Variants in AFAP1 observed in about 807,000 individuals in gnomAD.
AFAP1 encodes actin filament associated protein 1.
A neutral mutation model predicts 93.9 loss-of-function variants in AFAP1; 75 were observed. That is an observed-to-expected ratio of 0.80 (90% CI 0.66 to 0.97). AFAP1 has a LOEUF of 0.97. AFAP1 is among the 50% of genes least tolerant of loss of function. AFAP1 has a pLI of 0.00. For missense variants in AFAP1, 1,201 were observed against 1,050.8 expected (o/e 1.14, Z -1.98); for synonymous variants, 517 against 430.7 (o/e 1.20, Z -2.48).
Position 7,841,300 on chromosome 4 carries a change from C to CACA in AFAP1, c.546+1836_546+1838dup, listed in dbSNP as rs1553844627. ...CCAGTGAGTCTGGGTCTATACCTCC[C>CACA]ACACACACACACTGAATGCAGACCC... is the stretch of plus-strand genomic sequence containing the variant. On this transcript the variant is annotated intron_variant, in intron 5 of 17. Coordinates refer to ENST00000420658, the MANE Select transcript of AFAP1 (RefSeq NM_001134647.2). 2.3e-4 allele frequency among the ~76,000 whole-genome samples: 6 copies of CACA among 26,068 alleles called. No individual in the cohort carries two copies. In the Admixed American group the frequency reaches 3.8e-3, roughly 16 times the overall value. 17.1% of individuals were successfully genotyped at this position (26,068 alleles called of 152,430 possible).
intron 6 of AFAP1, among the ~76,000 whole-genome samples, chr4:7,820,947 C>A (rs897512791): frequency 2.6e-5 from 4 of 152,034 alleles, no homozygotes; most frequent in Non-Finnish European, 4.4e-5. Context: ...GGAGAAGCCC[C>A]ATCTCTACTA....
chr4:7,821,481 C>A (rs1164865930), intron 6 of AFAP1, among the ~76,000 whole-genome samples: 3 of 152,184 alleles, frequency 2.0e-5, no homozygotes, highest in Admixed American at 2.0e-4. Flanking sequence ...GCAGTCACCA[C>A]ATGTTTCTCC....
intron 17 of AFAP1, among the ~76,000 whole-genome samples, chr4:7,768,161 GC>G (rs1429864392): frequency 3.9e-5 from 6 of 152,250 alleles, no homozygotes; most frequent in Non-Finnish European, 8.8e-5. Flanking sequence ...TCGGGGCGGG[GC>G]CGGCCACACT....
In AFAP1 at chr4:7,760,565, A is replaced by G. The variant is rs554462686; in HGVS notation, c.*3200T>C. ...TGGGCCTTGCCCCAGTTCCCCGCAG[A>G]TTCTGGGAAGAGGGAGCCATCGCCC... On this transcript the variant is annotated 3_prime_UTR_variant, in exon 18 of 18. Transcript: ENST00000420658. The G allele has an allele frequency of 6.6e-6, 1 of 152,412 alleles. No homozygotes were observed. The highest frequency in any genetic ancestry group is 6.5e-5 in the Admixed American group (1 of 15,312). The allele number at this position is 152,412 out of a possible 1,614,324, so 9.4% of individuals were successfully genotyped here.
chr4:7,855,782 C>T (rs1464314553), intron 3 of AFAP1, among the ~76,000 whole-genome samples: 1 of 152,222 alleles, frequency 6.6e-6, no homozygotes, highest in Non-Finnish European at 1.5e-5. Flanking sequence ...CCAGCCCTGG[C>T]CACATGCCGT....
chr4:7,924,427 C>G (rs988352335), intron 1 of AFAP1, among the ~76,000 whole-genome samples: 1 of 152,134 alleles, frequency 6.6e-6, no homozygotes, highest in Non-Finnish European at 1.5e-5. Flanking sequence ...AGCGGTGGAT[C>G]AAAACAGATT....
intron 1 of AFAP1, among the ~76,000 whole-genome samples, chr4:7,915,903 T>C (rs755613093): frequency 1.3e-5 from 2 of 152,242 alleles, no homozygotes; most frequent in Non-Finnish European, 2.9e-5. Flanking sequence ...AATTACTTAA[T>C]TTTTAATAAG....
chr4:7,850,785 G>T (rs1714344329), intron 4 of AFAP1, among the ~76,000 whole-genome samples: 1 of 152,238 alleles, frequency 6.6e-6, no homozygotes, highest in Non-Finnish European at 1.5e-5. Context: ...CAGAGCCAAG[G>T]GCATCCGCAT....
At chr4:7,860,089 G>A (rs534717820) in intron 3 of AFAP1, among the ~76,000 whole-genome samples, 45 of 152,268 alleles carry the variant, frequency 3.0e-4, no homozygotes, top group African/African-American at 9.6e-4. Context: ...GCTGCAGTGA[G>A]CCATGATCAT....
At chr4:7,855,759 G>A (rs918594546) in intron 3 of AFAP1, among the ~76,000 whole-genome samples, 185 bp from the exon 4 acceptor site, 3 of 152,126 alleles carry the variant, frequency 2.0e-5, no homozygotes, top group Non-Finnish European at 2.9e-5. Context: ...ACTTTCCTGC[G>A]CACATTCTTG....
intron 5 of AFAP1, among the ~76,000 whole-genome samples, chr4:7,842,354 T>C (rs28689523): frequency 0.43 from 62,839 of 145,924 alleles, 14,178 homozygotes; most frequent in Non-Finnish European, 0.49. Context: ...TCCACTAGAG[T>C]GCTCTACAGA....
intron 1 of AFAP1, among the ~76,000 whole-genome samples, chr4:7,890,309 G>C (rs1016489399): frequency 6.6e-6 from 1 of 152,188 alleles, no homozygotes; most frequent in Non-Finnish European, 1.5e-5. Flanking sequence ...AAATGCTGCT[G>C]AACAACTGGA....
intron 1 of AFAP1, among the ~76,000 whole-genome samples, chr4:7,902,740 C>T (rs962121134): frequency 1.3e-5 from 2 of 152,180 alleles, no homozygotes; most frequent in Admixed American, 6.5e-5. Context: ...ATGGCTTTAG[C>T]AGTAAGGCAG....
chr4:7,832,623 C>T (rs539452119), intron 6 of AFAP1, among the ~76,000 whole-genome samples: 64 of 150,538 alleles, frequency 4.3e-4, no homozygotes, highest in Non-Finnish European at 7.7e-4. Context: ...GCAAGATAAC[C>T]GTCACTCTTC....
At chr4:7,854,321 C>A (rs1274001562) in intron 4 of AFAP1, among the ~76,000 whole-genome samples, 1 of 152,120 alleles carries the variant, frequency 6.6e-6, no homozygotes, top group Non-Finnish European at 1.5e-5. Context: ...ACATTTGGCC[C>A]AGTCTGTGCC....
intron 1 of AFAP1, among the ~76,000 whole-genome samples, chr4:7,898,301 G>A (rs980709804): frequency 7.2e-5 from 11 of 152,112 alleles, no homozygotes; most frequent in East Asian, 1.9e-4. Context: ...CCAGCTATTC[G>A]GGAGGCTGAG....
intron 6 of AFAP1, among the ~76,000 whole-genome samples, chr4:7,837,381 A>G (rs1302979002): frequency 6.6e-6 from 1 of 152,096 alleles, no homozygotes; most frequent in African/African-American, 2.4e-5. Context: ...ACCCTTATAA[A>G]AGAGGCCCCA....
At chr4:7,858,231 G>A (rs1715288409) in intron 3 of AFAP1, among the ~76,000 whole-genome samples, 1 of 152,124 alleles carries the variant, frequency 6.6e-6, no homozygotes, top group African/African-American at 2.4e-5. Flanking sequence ...TATACACAGA[G>A]GCAGAAGGTC....
intron 1 of AFAP1, among the ~76,000 whole-genome samples, chr4:7,909,516 T>G (rs1408971184): frequency 6.6e-6 from 1 of 152,130 alleles, no homozygotes; most frequent in Non-Finnish European, 1.5e-5. Context: ...GAAGAAAAGG[T>G]GGAATGGGTA....
Sources: allele counts gnomAD v4.1 joint callset (sites outside exome capture counted in the v4.1 genomes callset), GRCh38; gene constraint gnomAD v4.1.1; transcripts MANE v1.5; gene names NCBI Gene and HGNC (gene_info 2026-07-23, HGNC 2026-07-21).